The following HRH1 variants were observed in gnomAD, a reference collection of about 807,000 sequenced individuals.
HRH1 encodes histamine H1 receptor.
HRH1 carries 6 observed loss-of-function variants against 10.3 expected under a neutral mutation model. The observed-to-expected ratio is 0.58, with a 90% CI of 0.32 to 1.15. The LOEUF (loss-of-function observed/expected upper bound fraction) is 1.15, where lower values mean the gene tolerates loss of function less well. Among genes scored for constraint, HRH1 ranks in the 50% most tolerant of loss-of-function variants. The probability of loss-of-function intolerance (pLI) is 0.05; values close to 1 mark genes in which losing one functional copy is unlikely to be tolerated. For synonymous variants in HRH1, 242 were observed against 236.7 expected, an observed-to-expected ratio of 1.02 and a Z score of -0.21; for missense variants, 514 against 615.3, an observed-to-expected ratio of 0.84 and a Z score of 1.74.
chr3:11,170,468 C>T (rs1427301537), intron 1 of HRH1, among the ~76,000 whole-genome samples: 3 of 152,332 alleles, frequency 2.0e-5, no homozygotes, highest in African/African-American at 4.8e-5. Context: ...TAAATGGGGA[C>T]GAGGCATGCT....
intron 1 of HRH1, among the ~76,000 whole-genome samples, chr3:11,222,913 G>A (rs895839195): frequency 6.6e-6 from 1 of 151,982 alleles, no homozygotes; most frequent in African/African-American, 2.4e-5. Flanking sequence ...CCAGCCGGGC[G>A]CGGTGGCTCA....
rs1939866772 is a variant in HRH1 at position 11,259,202 on chromosome 3, G to A, written c.165G>A (p.Glu55=). Residue 55 remains glutamate, a synonymous_variant, in exon 2 of 2, where the codon GAG becomes GAA. Coordinates refer to ENST00000431010, the MANE Select transcript of HRH1 (RefSeq NM_001098212.2). The surrounding 1 kb of genome is among the most constrained non-coding windows in gnomAD (Gnocchi z 4.6). ...TGGTGCTGTATGCCGTACGGAGTGA[G>A]CGGAAGCTCCACACTGTGGGGAACC... The part of the protein sequence containing the change: ...NLLVLYAVRS[E]RKLHTVGNLY... 5.6e-6 allele frequency: 9 copies of A among 1,613,752 alleles called. No homozygotes were observed. The highest frequency in any genetic ancestry group is 6.8e-6 in the Non-Finnish European group (8 of 1,179,976).
At chr3:11,235,409 C>G (rs1939154158) in intron 1 of HRH1, among the ~76,000 whole-genome samples, 1 of 152,124 alleles carries the variant, frequency 6.6e-6, no homozygotes, top group Admixed American at 6.5e-5. Context: ...TGCCTCATTA[C>G]TTCCAGGTGG....
At chr3:11,205,573 C>T (rs1181297511) in intron 1 of HRH1, among the ~76,000 whole-genome samples, 2 of 152,050 alleles carry the variant, frequency 1.3e-5, no homozygotes, top group East Asian at 3.9e-4. Context: ...GCGCATGGCA[C>T]ATGAATGATG....
intron 1 of HRH1, among the ~76,000 whole-genome samples, chr3:11,208,833 C>T (rs1309481508): frequency 1.3e-5 from 2 of 152,294 alleles, no homozygotes; most frequent in East Asian, 3.9e-4. Flanking sequence ...ATAAAAATAA[C>T]ACTATGGTGA....
intron 1 of HRH1, among the ~76,000 whole-genome samples, chr3:11,220,047 G>T (rs1183651838): frequency 1.4e-4 from 21 of 149,016 alleles, no homozygotes; most frequent in African/African-American, 5.2e-4. Context: ...TTAAAATCCA[G>T]ATTCTGCCTT....
upstream of HRH1, among the ~76,000 whole-genome samples, chr3:11,152,134 C>T (rs1936644143): frequency 6.6e-6 from 1 of 152,144 alleles, no homozygotes; most frequent in African/African-American, 2.4e-5. Flanking sequence ...TCCTTCATCT[C>T]TTTGTTTTCT....
upstream of HRH1, among the ~76,000 whole-genome samples, chr3:11,152,610 C>T (rs1305296646): frequency 2.1e-5 from 3 of 140,962 alleles, no homozygotes; most frequent in East Asian, 2.1e-4. Flanking sequence ...TTCCCCCACC[C>T]GCCCTGCCCC....
upstream of HRH1, among the ~76,000 whole-genome samples, chr3:11,152,157 G>A (rs558961743): frequency 2.0e-5 from 3 of 152,126 alleles, no homozygotes; most frequent in Non-Finnish European, 4.4e-5. Flanking sequence ...TTTGCAAAAC[G>A]GGATGACAAC....
At chr3:11,138,704 ATTTTTTT>A (rs35194961) in intron 1 of HRH1, among the ~76,000 whole-genome samples, 1 of 139,388 alleles carries the variant, frequency 7.2e-6, no homozygotes, top group Non-Finnish European at 1.5e-5. Context: ...TCATAGCTGA[ATTTTTTT>A]TTTTTTTTTT....
rs1416642696 is a variant in HRH1, at chr3:11,262,751, T to C, written c.*2250T>C. ...GCTCTGCCTCTGGGTCAGAGAGACC[T>C]GGATTTGAGTCTGACAAGAACAAGA... On this transcript the variant is annotated 3_prime_UTR_variant, in exon 2 of 2. Transcript: ENST00000431010. The C allele has an allele frequency of 6.0e-6, 1 of 167,094 alleles. No homozygotes were observed. Among genetic ancestry groups the C allele is most frequent in the Admixed American group, 6.5e-5 (1 of 15,294 alleles). The allele number at this position is 167,094 out of a possible 1,614,324, so 10.4% of individuals were successfully genotyped here.
At chr3:11,189,251 C>G (rs1328882590) in intron 1 of HRH1, among the ~76,000 whole-genome samples, 1 of 152,166 alleles carries the variant, frequency 6.6e-6, no homozygotes, top group Non-Finnish European at 1.5e-5. Flanking sequence ...CACGCTCAGA[C>G]TTATGTCATA....
intron 1 of HRH1, among the ~76,000 whole-genome samples, chr3:11,171,169 T>C (rs544897332): frequency 6.6e-6 from 1 of 150,914 alleles, no homozygotes; most frequent in South Asian, 2.1e-4. Flanking sequence ...CAGGCTGCAG[T>C]GCAGTGGCAC....
upstream of HRH1, among the ~76,000 whole-genome samples, chr3:11,153,424 T>A (rs1408981555): frequency 2.0e-5 from 3 of 152,002 alleles, no homozygotes; most frequent in Non-Finnish European, 4.4e-5. Flanking sequence ...CAGACCCAGC[T>A]CTGTGTGGTC....
At chr3:11,225,728 C>T (rs181160437) in intron 1 of HRH1, among the ~76,000 whole-genome samples, 10 of 152,340 alleles carry the variant, frequency 6.6e-5, no homozygotes, top group Admixed American at 6.5e-4. Flanking sequence ...CTCTGTCGCC[C>T]AGGCTGGAGT....
At chr3:11,143,674 G>A (rs1368058849) in intron 1 of HRH1, among the ~76,000 whole-genome samples, 4 of 152,068 alleles carry the variant, frequency 2.6e-5, no homozygotes, top group Non-Finnish European at 5.9e-5. Context: ...GGTGACCCCT[G>A]GTCTGACCCC....
At chr3:11,176,168 C>CAAAAAAAAA (rs3082255) in intron 1 of HRH1, among the ~76,000 whole-genome samples, 12 of 120,026 alleles carry the variant, frequency 1.0e-4, no homozygotes, top group East Asian at 4.9e-4. Context: ...GAACCTGTCT[C>CAAAAAAAAA]AAAAAAAAAA....
intron 1 of HRH1, among the ~76,000 whole-genome samples, chr3:11,216,846 C>T (rs1197458370): frequency 1.3e-5 from 2 of 151,420 alleles, no homozygotes; most frequent in African/African-American, 2.4e-5. Flanking sequence ...TACCACTGCA[C>T]ACCAGCCTGG....
chr3:11,224,616 C>T (rs1476678989), intron 1 of HRH1, among the ~76,000 whole-genome samples: 1 of 151,398 alleles, frequency 6.6e-6, no homozygotes, highest in East Asian at 1.9e-4. Flanking sequence ...AGGAGAATGG[C>T]GTGAACCCAG....
Sources: gnomAD v4.1 joint callset for allele counts (sites outside exome capture counted in the v4.1 genomes callset) on GRCh38, gnomAD v4.1.1 for gene constraint, Gnocchi (gnomAD v3.1) non-coding constraint, MANE v1.5 for transcripts, NCBI Gene and HGNC (gene_info 2026-07-23, HGNC 2026-07-21) for gene names.